MZT2A: variants seen among roughly 807,000 people sequenced by gnomAD.
MZT2A encodes mitotic-spindle organizing protein 2A.
In MZT2A, 8 loss-of-function variants were observed where a neutral mutation model predicts 12.4. The observed-to-expected ratio is 0.64, with a 90% confidence interval of 0.38 to 1.16. The LOEUF (loss-of-function observed/expected upper bound fraction) is 1.16. Ranked by LOEUF, MZT2A falls within the 50% of genes most tolerant of loss-of-function variation. MZT2A has a pLI of 0.01. For missense variants in MZT2A, 181 were observed against 223.6 expected (o/e 0.81, Z 1.22); for synonymous variants, 88 against 107.5 (o/e 0.82, Z 1.12).
chr2:131,492,431 G>C (rs1179858753), upstream of MZT2A: 3 of 1,200,868 alleles, frequency 2.5e-6, no homozygotes, highest in Non-Finnish European at 3.1e-6. Flanking sequence ...TAGCGGATGC[G>C]CCCACCGCCC....
At chr2:131,480,643 T>C (rs1573861643), downstream of MZT2A, 5 of 1,613,824 alleles carry the variant, frequency 3.1e-6, no homozygotes, top group East Asian at 6.7e-5. Context: ...GCCTGCTGCA[T>C]GTTGTACAGG....
intron 2 of MZT2A, chr2:131,476,267 G>A (rs1678664142): frequency 6.2e-7 from 1 of 1,612,372 alleles, no homozygotes; most frequent in African/African-American, 1.3e-5. Context: ...CGGGTGGACA[G>A]AGGGACGTTG....
chr2:131,492,497 A>AGCGGCAGGG (rs139477489), upstream of MZT2A: 1 of 1,129,894 alleles, frequency 8.9e-7, no homozygotes, highest in Non-Finnish European at 1.1e-6. Context: ...GAGCGGCGGG[A>AGCGGCAGGG]GCGCGGGGAC....
chr2:131,479,179 T>C, downstream of MZT2A: 2 of 1,409,576 alleles, frequency 1.4e-6, no homozygotes, highest in Non-Finnish European at 9.5e-7. Flanking sequence ...ACTGCCACTG[T>C]TGACCTATGA....
chr2:131,482,991 G>A, downstream of MZT2A: 3 of 1,415,304 alleles, frequency 2.1e-6, no homozygotes, highest in South Asian at 2.9e-5. Context: ...GGACCCTAGA[G>A]CCTGCATGGA....
At chr2:131,469,808 C>CCGCCTTTT (rs1390873773) in intron 4 of MZT2A, 3 of 131,498 alleles carry the variant, frequency 2.3e-5, no homozygotes, top group South Asian at 2.2e-4. Context: ...TCCTCCCCCC[C>CCGCCTTTT]TTTTTTTTTT....
chr2:131,492,409 C>T, upstream of MZT2A: 1 of 1,226,168 alleles, frequency 8.2e-7, no homozygotes, highest in African/African-American at 1.6e-5. Flanking sequence ...CGCCCCGCCC[C>T]GCCGCGCCCC....
downstream of MZT2A, chr2:131,480,439 A>G (rs1285644905): frequency 1.9e-6 from 3 of 1,588,864 alleles, no homozygotes; most frequent in Admixed American, 1.7e-5. Context: ...GGGGCCCTGA[A>G]TGTGGACTTG....
At chr2:131,480,334 G>T (rs765243639), downstream of MZT2A, 4 of 1,611,848 alleles carry the variant, frequency 2.5e-6, no homozygotes, top group Non-Finnish European at 3.4e-6. Flanking sequence ...GACATATGTC[G>T]GCGCAACCTG....
intron 2 of MZT2A, chr2:131,476,311 A>C: frequency 6.3e-7 from 1 of 1,584,900 alleles, no homozygotes; most frequent in Non-Finnish European, 8.6e-7. Flanking sequence ...AGGCCAGAGA[A>C]GGACGCAGGG....
At chr2:131,483,583 G>A (rs1179813294), downstream of MZT2A, among the ~76,000 whole-genome samples, 1 of 142,938 alleles carries the variant, frequency 7.0e-6, no homozygotes, top group African/African-American at 3.0e-5. Context: ...GGGTGTGGTG[G>A]TGGGCACTGT....
At chr2:131,492,599 G>A (rs980088020), upstream of MZT2A, 45 of 1,187,286 alleles carry the variant, frequency 3.8e-5, no homozygotes, top group East Asian at 6.3e-5. Flanking sequence ...GTGGCATGGC[G>A]GACTGCAGGG....
chr2:131,486,093 A>C (rs938840957), intron 2 of MZT2A, among the ~76,000 whole-genome samples: 1 of 150,450 alleles, frequency 6.6e-6, no homozygotes, highest in African/African-American at 2.5e-5. Context: ...TGGCTGAACA[A>C]AGATGGAGTC....
chr2:131,488,495 C>CTGTG (rs763130740), intron 2 of MZT2A, among the ~76,000 whole-genome samples: 1 of 152,138 alleles, frequency 6.6e-6, no homozygotes, highest in African/African-American at 2.4e-5. Context: ...AACTCAACAC[C>CTGTG]CGAGTCCTGT....
chr2:131,486,787 T>A (rs1437167550), intron 2 of MZT2A, among the ~76,000 whole-genome samples: 1 of 152,074 alleles, frequency 6.6e-6, no homozygotes, highest in African/African-American at 2.4e-5. Context: ...CACACCTGGC[T>A]AATAATGCTT....
chr2:131,475,104 G>A (rs879865765), intron 2 of MZT2A, among the ~76,000 whole-genome samples: 5 of 151,740 alleles, frequency 3.3e-5, no homozygotes, highest in African/African-American at 4.9e-5. Context: ...GGGATTACAG[G>A]CATGCGCCAC....
downstream of MZT2A, among the ~76,000 whole-genome samples, chr2:131,481,474 C>T (rs1160757518): frequency 2.1e-5 from 3 of 144,116 alleles, no homozygotes; most frequent in South Asian, 2.2e-4. Flanking sequence ...CTTGCTCTGT[C>T]GCCCGGGTTG....
downstream of MZT2A, chr2:131,479,320 C>T (rs1678772090): frequency 1.2e-6 from 2 of 1,614,008 alleles, no homozygotes; most frequent in Non-Finnish European, 1.7e-6. Flanking sequence ...GAAGTGCGCA[C>T]AGGGACCTAC....
At chr2:131,480,177 G>C (rs773370954), downstream of MZT2A, 2 of 1,596,696 alleles carry the variant, frequency 1.3e-6, no homozygotes, top group Non-Finnish European at 1.7e-6. Context: ...AGTGGATTAC[G>C]GCAAGAAGTC....
Sources: allele counts gnomAD v4.1 joint callset (sites outside exome capture counted in the v4.1 genomes callset), GRCh38; gene constraint gnomAD v4.1.1; transcripts MANE v1.5; gene names NCBI Gene and HGNC (gene_info 2026-07-23, HGNC 2026-07-21).